Variants in NELL1 observed in about 807,000 individuals in gnomAD.
NELL1 encodes neural EGFL like 1, also known as protein kinase C-binding protein NELL1.
A neutral mutation model predicts 107.4 loss-of-function variants in NELL1; 76 were observed. The observed-to-expected ratio is 0.71, with a 90% CI of 0.59 to 0.86. NELL1 has a LOEUF of 0.86. Among genes scored for constraint, NELL1 ranks in the 40% least tolerant of loss-of-function variants. The probability of loss-of-function intolerance (pLI) is 0.00; values close to 1 mark genes in which losing one functional copy is unlikely to be tolerated. For missense variants in NELL1, 1,024 were observed against 1,005.5 expected, an observed-to-expected ratio of 1.02 and a Z score of -0.25; for synonymous variants, 353 against 341.2, an observed-to-expected ratio of 1.03 and a Z score of -0.38.
chr11:20,755,387 A>G (rs1190477811), intron 2 of NELL1, among the ~76,000 whole-genome samples: 1 of 152,176 alleles, frequency 6.6e-6, no homozygotes, highest in Non-Finnish European at 1.5e-5. Flanking sequence ...TCATTTCATT[A>G]TCTCCATGGA....
At chr11:20,739,810 G>C (rs77491907) in intron 2 of NELL1, among the ~76,000 whole-genome samples, 2,325 of 152,260 alleles carry the variant, frequency 0.015, 54 homozygotes, top group African/African-American at 0.053. Flanking sequence ...CATGAGAAAG[G>C]AAGTAGTGAA....
intron 4 of NELL1, among the ~76,000 whole-genome samples, chr11:20,857,737 G>A (rs1848909587): frequency 6.6e-6 from 1 of 152,238 alleles, no homozygotes; most frequent in Non-Finnish European, 1.5e-5. Context: ...GATGATGCAG[G>A]TGAGAGAGTC....
chr11:21,197,145 G>C (rs1038243387), intron 13 of NELL1, among the ~76,000 whole-genome samples: 1 of 151,342 alleles, frequency 6.6e-6, no homozygotes, highest in Non-Finnish European at 1.5e-5. Flanking sequence ...CCAAAGTGCT[G>C]GGATTACAGG....
intron 14 of NELL1, among the ~76,000 whole-genome samples, chr11:21,286,212 CT>C (rs1433671003): frequency 6.6e-6 from 1 of 152,188 alleles, no homozygotes; most frequent in Non-Finnish European, 1.5e-5. Flanking sequence ...ATTTGGACAA[CT>C]GAAAGCTAGT....
chr11:21,212,474 A>C (rs1857518865), intron 13 of NELL1, among the ~76,000 whole-genome samples: 1 of 152,124 alleles, frequency 6.6e-6, no homozygotes. Context: ...ACAACTAAAA[A>C]TCGCCTGGAC....
chr11:20,890,918 C>T (rs147321892), intron 5 of NELL1, among the ~76,000 whole-genome samples: 1,918 of 152,152 alleles, frequency 0.013, 38 homozygotes, highest in African/African-American at 0.044. Context: ...AGAATGGAAA[C>T]GAGCTGGAAA....
chr11:20,753,858 T>C (rs556154524), intron 2 of NELL1, among the ~76,000 whole-genome samples: 253 of 152,328 alleles, frequency 1.7e-3, no homozygotes, highest in South Asian at 2.7e-3. Context: ...TCATATTTTC[T>C]CAGGAATTCC....
chr11:21,445,145 T>C (rs543003349), intron 15 of NELL1, among the ~76,000 whole-genome samples: 1 of 152,338 alleles, frequency 6.6e-6, no homozygotes, highest in Admixed American at 6.5e-5. Flanking sequence ...CAAAAACTGT[T>C]CTAGTTATTA....
At chr11:21,245,947 T>A (rs1364404779) in intron 14 of NELL1, among the ~76,000 whole-genome samples, 1 of 152,152 alleles carries the variant, frequency 6.6e-6, no homozygotes, top group Non-Finnish European at 1.5e-5. Context: ...TCTGTTTGGA[T>A]GTGTCTTTGG....
chr11:21,318,358 A>G (rs1033560696), intron 14 of NELL1, among the ~76,000 whole-genome samples: 2 of 152,224 alleles, frequency 1.3e-5, no homozygotes, highest in African/African-American at 2.4e-5. Flanking sequence ...GGCCATGGCC[A>G]GTAATTTCCA....
intron 15 of NELL1, among the ~76,000 whole-genome samples, chr11:21,502,230 A>G (rs1855161894): frequency 6.6e-6 from 1 of 152,208 alleles, no homozygotes; most frequent in South Asian, 2.1e-4. Flanking sequence ...TGGATAAGTA[A>G]ATAAATAGTC....
intron 17 of NELL1, among the ~76,000 whole-genome samples, 167 bp from the exon 18 acceptor site, chr11:21,570,597 C>A (rs1857077682): frequency 6.6e-6 from 1 of 151,734 alleles, no homozygotes; most frequent in Admixed American, 6.6e-5. Flanking sequence ...CAAGCAAAAT[C>A]AGGGAAAGAA....
chr11:21,127,481 T>C (rs976952780), intron 13 of NELL1, among the ~76,000 whole-genome samples: 1 of 151,964 alleles, frequency 6.6e-6, no homozygotes, highest in African/African-American at 2.4e-5. Context: ...CCAGGCATTA[T>C]GACATGGGCC....
intron 12 of NELL1, among the ~76,000 whole-genome samples, chr11:21,074,005 A>C (rs1365044108): frequency 6.6e-6 from 1 of 152,160 alleles, no homozygotes; most frequent in Non-Finnish European, 1.5e-5. Flanking sequence ...AGTAGTCAGA[A>C]ATTTTTTAAA....
chr11:21,174,830 C>A (rs1856679537), intron 13 of NELL1, among the ~76,000 whole-genome samples: 1 of 151,668 alleles, frequency 6.6e-6, no homozygotes, highest in Non-Finnish European at 1.5e-5. Flanking sequence ...AATCTAACTC[C>A]ACTTCTGTCA....
At chr11:20,822,326 AATAG>A (rs1358530105) in intron 3 of NELL1, among the ~76,000 whole-genome samples, 2 of 152,324 alleles carry the variant, frequency 1.3e-5, no homozygotes, top group East Asian at 3.9e-4. Context: ...AAAGAAATCA[AATAG>A]ATGGTATAGC....
intron 5 of NELL1, among the ~76,000 whole-genome samples, chr11:20,899,538 TA>T (rs899980684): frequency 1.3e-5 from 2 of 152,156 alleles, no homozygotes; most frequent in African/African-American, 4.8e-5. Flanking sequence ...TTTAATGAGT[TA>T]AACATCCAAA....
At chr11:20,930,144 C>G (rs868320958) in intron 9 of NELL1, among the ~76,000 whole-genome samples, 1 of 152,018 alleles carries the variant, frequency 6.6e-6, no homozygotes, top group African/African-American at 2.4e-5. Context: ...AACTTTTTGA[C>G]GTTTTTTTAA....
chr11:21,558,722 A>ATAAC (rs1381394122), intron 16 of NELL1, among the ~76,000 whole-genome samples: 1 of 152,090 alleles, frequency 6.6e-6, no homozygotes, highest in Non-Finnish European at 1.5e-5. Context: ...CAAAGAATAT[A>ATAAC]TAACTGTTAC....
Sources: gnomAD v4.1 joint callset for allele counts (sites outside exome capture counted in the v4.1 genomes callset) on GRCh38, gnomAD v4.1.1 for gene constraint, MANE v1.5 for transcripts, NCBI Gene and HGNC (gene_info 2026-07-23, HGNC 2026-07-21) for gene names.